The following ZNF727 variants were observed in gnomAD, a reference collection of about 807,000 sequenced individuals.
ZNF727 encodes the protein putative zinc finger protein 727.
In ZNF727, 11 loss-of-function variants were observed where a neutral mutation model predicts 11.5. The observed-to-expected ratio is 0.95, with a 90% CI of 0.60 to 1.58. ZNF727 has a LOEUF of 1.58. ZNF727 is among the 40% of genes most tolerant of loss of function. ZNF727 has a pLI of 0.00. For missense variants in ZNF727, 533 were observed against 581.7 expected, an observed-to-expected ratio of 0.92 and a Z score of 0.86; for synonymous variants, 171 against 196.1, an observed-to-expected ratio of 0.87 and a Z score of 1.07.
intron 1 of ZNF727, among the ~76,000 whole-genome samples, chr7:64,048,531 TG>T (rs1314406792): frequency 6.6e-6 from 1 of 152,228 alleles, no homozygotes; most frequent in East Asian, 1.9e-4. Context: ...TTTGTGGTAG[TG>T]GGCAACTCAT....
rs1221218455 is a variant in ZNF727, at chr7:64,079,451, CT to C, written c.*907del. 6.6e-6 allele frequency among the ~76,000 whole-genome samples: 1 copy of C among 151,768 alleles called. No homozygotes were observed. Reference sequence around the variant, plus strand: ...ACTATTATGTAATGCCATTTTTTGTCTTTTTAAAAAAATCTGTTGATTTAAA... The same window carrying C: ...ACTATTATGTAATGCCATTTTTTGTCTTTTAAAAAAATCTGTTGATTTAAA... On this transcript the variant is annotated 3_prime_UTR_variant, in exon 4 of 4. Coordinates refer to ENST00000456806, the MANE Select transcript of ZNF727 (RefSeq NM_001159522.3).
At chr7:64,074,143 G>C (rs1262784246) in intron 3 of ZNF727, among the ~76,000 whole-genome samples, 1 of 152,100 alleles carries the variant, frequency 6.6e-6, no homozygotes, top group Non-Finnish European at 1.5e-5. Context: ...GAAAAGAGTG[G>C]AAAGAATAGT....
rs2861511 is a variant in ZNF727 at position 64,081,429 on chromosome 7, T to G, written c.*2880T>G. Among the ~76,000 whole-genome samples the G allele has an allele frequency of 0.69, 104,949 of 151,878 alleles. 36,383 individuals are homozygous for G. The highest frequency in any genetic ancestry group is 0.75 in the Admixed American group (11,388 of 15,276). ...GCAGGGGCATACTACATTTCCATTT[T>G]CTGGTGGGGCAAGCAAAGCCAAACT... On this transcript the variant is annotated 3_prime_UTR_variant, in exon 4 of 4. Coordinates refer to ENST00000456806, the MANE Select transcript of ZNF727 (RefSeq NM_001159522.3).
At position 64,068,880 on chromosome 7, in the gene ZNF727, T is replaced by C. The variant is rs982656914; in HGVS notation, c.4-11T>C. ...TCTTTGGTCACTTGGTAAATATGTT[T>C]TGTTTTTCAGCGAGTGCTAACATTC... On this transcript the variant is annotated splice_polypyrimidine_tract_variant and intron_variant, in intron 1 of 3. Transcript: ENST00000456806. 1.3e-5 allele frequency: 20 copies of C among 1,577,074 alleles called. No homozygotes were observed. The African/African-American group carries it at 2.0e-4, about 16-fold the overall frequency.
intron 1 of ZNF727, among the ~76,000 whole-genome samples, chr7:64,053,162 G>A (rs1789629093): frequency 6.6e-6 from 1 of 152,088 alleles, no homozygotes; most frequent in South Asian, 2.1e-4. Flanking sequence ...AGAATGATAG[G>A]GTTTGACTGT....
rs111274722 is a variant in ZNF727, at chr7:64,080,784, G to GT, written c.*2241dup. On this transcript the variant is annotated 3_prime_UTR_variant, in exon 4 of 4. Transcript: ENST00000456806. ...GTTGCTGAACTTTGAATGGGGTTTG[G>GT]TTTTTTGGATCCTATTTGATGGTCT... Among the ~76,000 whole-genome samples the GT allele has an allele frequency of 1.3e-5, 2 of 152,128 alleles. No individual in the cohort carries two copies. Among genetic ancestry groups the GT allele is most frequent in the African/African-American group, 4.8e-5 (2 of 41,514 alleles).
At chr7:64,069,741 C>G (rs1009368174) in intron 3 of ZNF727, 132 bp downstream of exon 3, 3 of 744,524 alleles carry the variant, frequency 4.0e-6, no homozygotes, top group Non-Finnish European at 6.5e-6. Flanking sequence ...TCATTTCTTT[C>G]TCTTGCTTTA....
In ZNF727 at chr7:64,078,176, C is replaced by T. The variant is rs751909715; in HGVS notation, c.1127C>T (p.Thr376Ile). 14 of 1,596,476 alleles carry T rather than the reference C, an allele frequency of 8.8e-6. No homozygotes were observed. In the Middle Eastern group the frequency reaches 1.2e-3, roughly 132 times the overall value. The change falls in exon 4 of 4, where the codon ACC becomes ATC. Residue 376 changes from threonine to isoleucine, a missense_variant. Thr to Ile is a moderately conservative substitution (Grantham distance 89). This residue lies in a region of ZNF727 where 463 missense variants were observed against 494.5 expected (regional missense o/e 0.94). Transcript: ENST00000456806. Reference sequence around the variant, plus strand: ...TACAAATGTGAAGAATGTGGCAAAACCTTTAAGTGGTTCTCAGACCTGACT... The same window carrying T: ...TACAAATGTGAAGAATGTGGCAAAATCTTTAAGTGGTTCTCAGACCTGACT... Reference protein sequence around the residue: ...RPYKCEECGKTFKWFSDLTNH... With the variant: ...RPYKCEECGKIFKWFSDLTNH...
chr7:64,054,608 A>G (rs953378045), intron 1 of ZNF727, among the ~76,000 whole-genome samples: 2 of 152,248 alleles, frequency 1.3e-5, no homozygotes, highest in Non-Finnish European at 2.9e-5. Context: ...CGGTATAGTC[A>G]TAGAATTGAG....
chr7:64,075,222 T>G (rs974363172), intron 3 of ZNF727, among the ~76,000 whole-genome samples: 6 of 152,040 alleles, frequency 3.9e-5, no homozygotes, highest in Admixed American at 2.0e-4. Context: ...TGTACTGTAT[T>G]TATATTGTTT....
At position 64,078,819 on chromosome 7, in the gene ZNF727, A is replaced by G. The variant is rs1329366551; in HGVS notation, c.*270A>G. ...AGAATTCACCCTGGAGAGAATCCCT[A>G]CAAATCTGAAGAATGTAACAAAGGC... On this transcript the variant is annotated 3_prime_UTR_variant, in exon 4 of 4. Coordinates refer to ENST00000456806, the MANE Select transcript of ZNF727 (RefSeq NM_001159522.3). 6.6e-6 allele frequency among the ~76,000 whole-genome samples: 1 copy of G among 152,176 alleles called. No individual in the cohort carries two copies. Among genetic ancestry groups the G allele is most frequent in the Non-Finnish European group, 1.5e-5 (1 of 68,018 alleles).
chr7:64,051,262 G>A (rs1789593868), intron 1 of ZNF727, among the ~76,000 whole-genome samples: 1 of 152,110 alleles, frequency 6.6e-6, no homozygotes, highest in Non-Finnish European at 1.5e-5. Flanking sequence ...AAGAAATCCT[G>A]TATGACTTTA....
chr7:64,052,791 AGT>A lies in ZNF727; in HGVS notation c.3+7171_3+7172del, dbSNP rs371761586. ...GCCATGGAAGCTCACTTCTTGCATC[AGT>A]GTGACCTGGATGTGAGACATGAAGT... On this transcript the variant is annotated intron_variant, in intron 1 of 3. Coordinates refer to ENST00000456806, the MANE Select transcript of ZNF727 (RefSeq NM_001159522.3). Among the ~76,000 whole-genome samples, 294 of 152,354 alleles carry A rather than the reference AGT, an allele frequency of 1.9e-3. 1 individual carries two copies. Among genetic ancestry groups the A allele is most frequent in the African/African-American group, 6.8e-3 (281 of 41,582 alleles).
chr7:64,084,820 G>A lies in ZNF727; in HGVS notation c.*6271G>A, dbSNP rs79294617. Among the ~76,000 whole-genome samples the A allele has an allele frequency of 0.027, 4,093 of 152,034 alleles. 196 individuals are homozygous for A. The highest frequency in any genetic ancestry group is 0.18 in the East Asian group (917 of 5,166). The stretch of plus-strand genomic sequence containing the variant: ...TAACAGATTTATAGAGAAAATATTC[G>A]TATTTGTTTATGGTTGTATACCTAT... On this transcript the variant is annotated 3_prime_UTR_variant, in exon 4 of 4. Transcript: ENST00000456806.
chr7:64,053,094 G>C (rs1431082856), intron 1 of ZNF727, among the ~76,000 whole-genome samples: 2 of 152,130 alleles, frequency 1.3e-5, no homozygotes, highest in Non-Finnish European at 2.9e-5. Flanking sequence ...GGAGACTGTT[G>C]AGAAGGCATG....
chr7:64,054,503 A>G (rs1167914057), intron 1 of ZNF727, among the ~76,000 whole-genome samples: 1 of 152,196 alleles, frequency 6.6e-6, no homozygotes, highest in Non-Finnish European at 1.5e-5. Flanking sequence ...CTGTGAATAA[A>G]CATAGCTGCT....
At chr7:64,053,406 C>A (rs1030979407) in intron 1 of ZNF727, among the ~76,000 whole-genome samples, 2 of 152,090 alleles carry the variant, frequency 1.3e-5, no homozygotes, top group Admixed American at 1.3e-4. Flanking sequence ...CTGCAATCTC[C>A]GCCTCCTGGG....
Position 64,045,456 on chromosome 7 carries a change from C to CT in ZNF727, c.-164dup, listed in dbSNP as rs1173325988. On this transcript the variant is annotated 5_prime_UTR_variant, in exon 1 of 4. It introduces an in-frame stop codon into an upstream open reading frame of the 5' UTR. Coordinates refer to ENST00000456806, the MANE Select transcript of ZNF727 (RefSeq NM_001159522.3). ...GGCGGGCTCTTCAATATGGCAAGGC[C>CT]TTCGTCTCCTAGCTTCTAGGCTCTG... 5 of 986,752 alleles carry CT rather than the reference C, an allele frequency of 5.1e-6. No individual in the cohort carries two copies. Among genetic ancestry groups the CT allele is most frequent in the Middle Eastern group, 3.0e-4 (1 of 3,332 alleles). 61.1% of individuals were successfully genotyped at this position (986,752 alleles called of 1,614,324 possible).
intron 1 of ZNF727, among the ~76,000 whole-genome samples, chr7:64,050,774 G>GTA (rs1284015033): frequency 4.6e-5 from 3 of 65,022 alleles, no homozygotes; most frequent in African/African-American, 1.7e-4. Context: ...GTATGCATAT[G>GTA]TATGTGTGTG....
Sources: allele counts gnomAD v4.1 joint callset (sites outside exome capture counted in the v4.1 genomes callset), GRCh38; gene constraint gnomAD v4.1.1; regional missense constraint gnomAD v4.1.1; transcripts MANE v1.5; gene names NCBI Gene and HGNC (gene_info 2026-07-23, HGNC 2026-07-21).